The following CLDN16 variants were observed in gnomAD, a reference collection of about 807,000 sequenced individuals.
CLDN16 encodes claudin 16.
Under a neutral mutation model 24.6 loss-of-function variants are expected in CLDN16, and 13 were observed. That is an observed-to-expected ratio of 0.53 (90% confidence interval 0.34 to 0.84). The LOEUF (loss-of-function observed/expected upper bound fraction) is 0.84. Among genes scored for constraint, CLDN16 ranks in the 40% least tolerant of loss-of-function variants. CLDN16 has a pLI of 0.01. For missense variants in CLDN16, 298 were observed against 292.7 expected (o/e 1.02, Z -0.13); for synonymous variants, 116 against 106.7 (o/e 1.09, Z -0.54).
chr3:190,365,728 T>C (rs887097559), intron 1 of CLDN16, among the ~76,000 whole-genome samples: 3 of 151,618 alleles, frequency 2.0e-5, no homozygotes, highest in Non-Finnish European at 4.4e-5. Context: ...TAGGGTCCAG[T>C]ATATACACAG....
At chr3:190,310,575 A>G in the CLDN16 span, among the ~76,000 whole-genome samples, 2,070 of 152,336 alleles carry the variant, frequency 0.014, 50 homozygotes, top group African/African-American at 0.045. Context: ...ACATTAGGAT[A>G]CTAAACTACA....
intron 2 of CLDN16, among the ~76,000 whole-genome samples, chr3:190,403,666 C>G (rs573695932): frequency 6.6e-6 from 1 of 152,328 alleles, no homozygotes; most frequent in African/African-American, 2.4e-5. Flanking sequence ...CACTTAAAAA[C>G]AGCAGCACTC....
At chr3:190,381,582 A>C (rs988344320) in intron 3 of CLDN16, among the ~76,000 whole-genome samples, 2 of 152,168 alleles carry the variant, frequency 1.3e-5, no homozygotes, top group Middle Eastern at 3.4e-3. Flanking sequence ...TATTATTTCT[A>C]TCCCTGATGT....
At chr3:190,291,585 T>C in the CLDN16 span, among the ~76,000 whole-genome samples, 1 of 152,082 alleles carries the variant, frequency 6.6e-6, no homozygotes, top group African/African-American at 2.4e-5. Flanking sequence ...TGAGATGTAT[T>C]TGGGTAGAAA....
At chr3:190,324,183 C>A (rs532737176) in intron 1 of CLDN16, among the ~76,000 whole-genome samples, 1 of 152,292 alleles carries the variant, frequency 6.6e-6, no homozygotes, top group East Asian at 1.9e-4. Context: ...TTATTAAACA[C>A]CCGGGCACGG....
intron 1 of CLDN16, among the ~76,000 whole-genome samples, chr3:190,329,301 T>C (rs1372036666): frequency 6.6e-6 from 1 of 152,196 alleles, no homozygotes; most frequent in African/African-American, 2.4e-5. Context: ...TGTGATTTCA[T>C]ATCTATTCTG....
At chr3:190,313,060 T>C in the CLDN16 span, 5 of 1,613,814 alleles carry the variant, frequency 3.1e-6, no homozygotes, top group Non-Finnish European at 4.2e-6. Context: ...TTTTAAAACA[T>C]GTAAAAATAT....
intron 1 of CLDN16, among the ~76,000 whole-genome samples, chr3:190,353,234 C>A (rs556594919): frequency 1.1e-4 from 17 of 151,896 alleles, no homozygotes; most frequent in South Asian, 1.0e-3. Flanking sequence ...TTCAGAGTGA[C>A]CTGCTGTGAG....
intron 1 of CLDN16, among the ~76,000 whole-genome samples, chr3:190,369,065 C>T (rs965739210): frequency 6.6e-6 from 1 of 151,952 alleles, no homozygotes; most frequent in African/African-American, 2.4e-5. Flanking sequence ...GATTAGCCCT[C>T]CTTTCCATTG....
intron 1 of CLDN16, among the ~76,000 whole-genome samples, chr3:190,347,863 T>G (rs1216765170): frequency 1.3e-5 from 2 of 151,940 alleles, no homozygotes; most frequent in Non-Finnish European, 1.5e-5. Flanking sequence ...GCAGTGATGA[T>G]CTTGTAGTTT....
intron 1 of CLDN16, among the ~76,000 whole-genome samples, chr3:190,368,299 T>C (rs533427861): frequency 7.3e-4 from 111 of 151,924 alleles, no homozygotes; most frequent in Non-Finnish European, 1.4e-3. Flanking sequence ...GATCTGATGA[T>C]CAGACAATAA....
intron 1 of CLDN16, among the ~76,000 whole-genome samples, chr3:190,326,428 G>A (rs973825123): frequency 6.6e-6 from 1 of 152,202 alleles, no homozygotes; most frequent in Non-Finnish European, 1.5e-5. Flanking sequence ...AAAAGAGAAG[G>A]CAGCAATGGC....
intron 1 of CLDN16, among the ~76,000 whole-genome samples, chr3:190,341,627 TC>T (rs1468082076): frequency 1.3e-5 from 2 of 152,192 alleles, no homozygotes; most frequent in African/African-American, 4.8e-5. Flanking sequence ...GATATTTTTT[TC>T]CATTGACTTG....
rs191811326 is a variant in CLDN16, at chr3:190,356,688, G to T, written n.122-14205G>T. On this transcript the variant is annotated intron_variant and non_coding_transcript_variant, in intron 1 of 4. Transcript: ENST00000468220. ...TGATATTGAGATAGCTCTCTATTTTGAAGAAATAAAGTTTTATCTTTCCCT... is the reference window on the plus strand; with the variant it reads ...TGATATTGAGATAGCTCTCTATTTTTAAGAAATAAAGTTTTATCTTTCCCT... 3.7e-3 allele frequency among the ~76,000 whole-genome samples: 567 copies of T among 151,910 alleles called. 2 individuals carry two copies. Among genetic ancestry groups the T allele is most frequent in the African/African-American group, 0.013 (547 of 41,514 alleles).
chr3:190,393,293 C>G (rs1010029226), intron 1 of CLDN16, among the ~76,000 whole-genome samples: 2 of 152,118 alleles, frequency 1.3e-5, no homozygotes, highest in Non-Finnish European at 2.9e-5. Context: ...TTCTGCTTAG[C>G]TTATTATACA....
chr3:190,338,544 G>A (rs563086250), intron 1 of CLDN16, among the ~76,000 whole-genome samples: 1 of 152,272 alleles, frequency 6.6e-6, no homozygotes, highest in African/African-American at 2.4e-5. Flanking sequence ...GTGGTAACTA[G>A]GGAATCAAGG....
Position 190,388,313 on chromosome 3 carries a change from A to G in CLDN16, c.-17A>G, listed in dbSNP as rs764125350. 3.1e-6 allele frequency: 5 copies of G among 1,614,118 alleles called. No individual in the cohort carries two copies. Among genetic ancestry groups the G allele is most frequent in the Non-Finnish European group, 8.5e-7 (1 of 1,180,022 alleles). On this transcript the variant is annotated 5_prime_UTR_variant, in exon 1 of 5. The change abolishes an upstream ATG in the 5' untranslated region. Coordinates refer to ENST00000264734, the MANE Select transcript of CLDN16 (RefSeq NM_006580.4). Reference sequence around the variant, plus strand: ...GGTGTCTGCCCATGTTGCCATCCTGATGGGCTGCTTGCCACAATGAGGGAT... The same window carrying G: ...GGTGTCTGCCCATGTTGCCATCCTGGTGGGCTGCTTGCCACAATGAGGGAT...
chr3:190,363,111 G>A (rs1403507086), intron 1 of CLDN16, among the ~76,000 whole-genome samples: 1 of 151,800 alleles, frequency 6.6e-6, no homozygotes, highest in African/African-American at 2.4e-5. Flanking sequence ...TTAATTCCAA[G>A]GGCACTAATT....
chr3:190,326,549 T>C (rs776546555), intron 1 of CLDN16, among the ~76,000 whole-genome samples: 14 of 152,306 alleles, frequency 9.2e-5, no homozygotes, highest in East Asian at 1.9e-4. Context: ...TGAGGGCTTC[T>C]TCTGAGGAGG....
Sources: allele counts gnomAD v4.1 joint callset (sites outside exome capture counted in the v4.1 genomes callset), GRCh38; gene constraint gnomAD v4.1.1; transcripts MANE v1.5; gene names NCBI Gene and HGNC (gene_info 2026-07-23, HGNC 2026-07-21).